ANKRD36C: variants seen among roughly 807,000 people sequenced by gnomAD.
ANKRD36C encodes the protein ankyrin repeat domain 36C.
In ANKRD36C, 61 loss-of-function variants were observed where a neutral mutation model predicts 276.4. The observed-to-expected ratio is 0.22, with a 90% CI of 0.18 to 0.27. The LOEUF (loss-of-function observed/expected upper bound fraction) is 0.27. Ranked by LOEUF, ANKRD36C falls within the 10% of genes least tolerant of loss-of-function variation. The pLI is 1.00. For missense variants in ANKRD36C, 1,447 were observed against 2,032.3 expected, an observed-to-expected ratio of 0.71 and a Z score of 5.54; for synonymous variants, 483 against 680.1, an observed-to-expected ratio of 0.71 and a Z score of 4.51.
rs761278529 is a variant in ANKRD36C at position 95,958,635 on chromosome 2, G to C, written c.1061C>G (p.Ser354Trp). 4 of 1,546,460 alleles carry C rather than the reference G, an allele frequency of 2.6e-6. No homozygotes were observed. In the East Asian group the frequency reaches 9.8e-5, roughly 38 times the overall value. ...ATCTTTTATTTCTGTGGCTGTGTTCGAAACAGAATCGTTCTTGTCACTTGT... is the reference window on the plus strand; with the variant it reads ...ATCTTTTATTTCTGTGGCTGTGTTCCAAACAGAATCGTTCTTGTCACTTGT... The change falls in exon 12 of 67, where the codon TCG (serine) becomes TGG (tryptophan). Residue 354 changes from serine (S) to tryptophan (W), a missense_variant. Ser to Trp is a radical substitution (Grantham distance 177, BLOSUM62 -3). Coordinates refer to ENST00000456556, the Ensembl canonical transcript of ANKRD36C.
intron 60 of ANKRD36C, among the ~76,000 whole-genome samples, chr2:95,862,978 C>T (rs1329858531): frequency 6.6e-6 from 1 of 151,720 alleles, no homozygotes; most frequent in Non-Finnish European, 1.5e-5. Context: ...AAATCAACTT[C>T]TGTTGTTTGA....
chr2:95,982,276 A>G (rs1443045910), exon 4 of ANKRD36C: 1 of 1,549,508 alleles, frequency 6.5e-7, no homozygotes, highest in East Asian at 2.4e-5. Flanking sequence ...AATCAACGGC[A>G]TTTATATTTG....
Position 95,914,270 on chromosome 2 carries a change from A to T in ANKRD36C, c.2478+5T>A. ...AGGTCACAATATAAATGACAGTTTC[A>T]TTACCTTCAAGCCTGCTGGTTTCTC... is the stretch of plus-strand genomic sequence containing the variant. On this transcript the variant is annotated splice_donor_5th_base_variant and intron_variant, in intron 39 of 66. Coordinates refer to ENST00000456556, the Ensembl canonical transcript of ANKRD36C. 6.4e-7 allele frequency: 1 copy of T among 1,551,596 alleles called. No individual in the cohort carries two copies. The highest frequency in any genetic ancestry group is 8.7e-7 in the Non-Finnish European group (1 of 1,146,518).
rs200035163 is a variant in ANKRD36C, at chr2:95,945,063, G to T, written c.1423+51C>A. On this transcript the variant is annotated intron_variant, in intron 18 of 66. Coordinates refer to ENST00000456556, the Ensembl canonical transcript of ANKRD36C. ...ACAAAAAATAAGAAAGAAAAAGAAA[G>T]AAAAAAAAGAATCAGTAGATAATAT... 1.9e-4 allele frequency: 34 copies of T among 181,702 alleles called. No individual in the cohort carries two copies. The South Asian group carries it at 4.5e-3, about 24-fold the overall frequency. 11.3% of individuals were successfully genotyped at this position (181,702 alleles called of 1,614,324 possible). A position where few individuals can be genotyped will look rare whatever the true frequency, so the allele number is the denominator to read the frequency against.
chr2:95,853,599 C>A (rs111611252), intron 64 of ANKRD36C, 110 bp downstream of exon 84: 1 of 1,110,556 alleles, frequency 9.0e-7, no homozygotes, highest in African/African-American at 1.6e-5. Flanking sequence ...CATTAATTAT[C>A]ATAAAAATAC....
At chr2:95,918,085 G>T (rs1227760068) in intron 34 of ANKRD36C, 43 bp from the exon 37 acceptor site, 3 of 1,588,750 alleles carry the variant, frequency 1.9e-6, no homozygotes, top group African/African-American at 1.3e-5. Context: ...GTGTAAATAT[G>T]ATAAAGTTAT....
In ANKRD36C at chr2:95,975,276, ACTT is replaced by A. The variant is rs200422344; in HGVS notation, c.799+2843_799+2845del. 3.2e-3 allele frequency among the ~76,000 whole-genome samples: 489 copies of A among 152,296 alleles called. 2 individuals carry two copies. The highest frequency in any genetic ancestry group is 0.011 in the African/African-American group (474 of 41,566). ...TTTCTTCACAGAATTGGAAAAAACTACTTTAAAGTTCATATGGAACCAAAAAAG... is the reference window on the plus strand; with the variant it reads ...TTTCTTCACAGAATTGGAAAAAACTATAAAGTTCATATGGAACCAAAAAAG... On this transcript the variant is annotated intron_variant, in intron 6 of 66. Transcript: ENST00000456556.
chr2:95,885,811 G>A (rs1488387984), intron 52 of ANKRD36C, among the ~76,000 whole-genome samples: 3 of 151,666 alleles, frequency 2.0e-5, no homozygotes, highest in South Asian at 2.1e-4. Context: ...GTGCTGAACC[G>A]CTCTCCTATG....
chr2:95,859,714 A>G (rs1282353853), intron 61 of ANKRD36C, 147 bp downstream of exon 81: 33 of 888,740 alleles, frequency 3.7e-5, no homozygotes, highest in Non-Finnish European at 5.0e-5. Context: ...TTGTGATATT[A>G]TATCCAATAA....
At chr2:95,891,810 A>C in intron 45 of ANKRD36C, 22 bp downstream of exon 65, 2 of 1,559,426 alleles carry the variant, frequency 1.3e-6, no homozygotes, top group South Asian at 2.4e-5. Context: ...CTAGTTCACA[A>C]TATAAATGAC....
chr2:95,897,125 C>T lies in ANKRD36C; in HGVS notation c.2755+2020G>A, dbSNP rs4907219. 8.5e-6 allele frequency: 9 copies of T among 1,061,608 alleles called. No homozygotes were observed. In the South Asian group the frequency reaches 9.0e-5, roughly 11 times the overall value. The allele number at this position is 1,061,608 out of a possible 1,614,324, so 65.8% of individuals were successfully genotyped here. ...TTCCAGACCAGCAGCATCATCATCACCCACAAACTTATTTGAAATGAAGAA... is the reference window on the plus strand; with the variant it reads ...TTCCAGACCAGCAGCATCATCATCATCCACAAACTTATTTGAAATGAAGAA... On this transcript the variant is annotated intron_variant, in intron 44 of 66. Coordinates refer to ENST00000456556, the Ensembl canonical transcript of ANKRD36C.
In ANKRD36C at chr2:95,952,866, T is replaced by C. The variant is rs527525742; in HGVS notation, c.1203+1073A>G. ...AAAGTGTTTCTTACATGCAAGACCT[T>C]ATTCTGTGTATTCCAGGAAACATAC... On this transcript the variant is annotated intron_variant, in intron 14 of 66. Transcript: ENST00000456556. Among the ~76,000 whole-genome samples the C allele has an allele frequency of 1.0e-4, 16 of 152,408 alleles. No individual in the cohort carries two copies. The East Asian group carries it at 2.9e-3, about 28-fold the overall frequency.
At chr2:95,908,944 T>C (rs1470115291) in intron 42 of ANKRD36C, among the ~76,000 whole-genome samples, 1 of 151,074 alleles carries the variant, frequency 6.6e-6, no homozygotes, top group Non-Finnish European at 1.5e-5. Flanking sequence ...AAAACTAAAA[T>C]AAAACCATGT....
intron 46 of ANKRD36C, among the ~76,000 whole-genome samples, chr2:95,890,756 C>T (rs1676326478): frequency 6.6e-6 from 1 of 151,554 alleles, no homozygotes; most frequent in Admixed American, 6.6e-5. Flanking sequence ...ATCAGTTTTT[C>T]ATTCAGAAAT....
chr2:95,863,550 G>C (rs1275772267), intron 60 of ANKRD36C, among the ~76,000 whole-genome samples: 1 of 152,030 alleles, frequency 6.6e-6, no homozygotes, highest in Non-Finnish European at 1.5e-5. Flanking sequence ...TCCCTCATGA[G>C]CACGAATGTA....
At chr2:95,939,416 T>C (rs1359412126) in intron 20 of ANKRD36C, among the ~76,000 whole-genome samples, 1 of 152,302 alleles carries the variant, frequency 6.6e-6, no homozygotes, top group Non-Finnish European at 1.5e-5. Flanking sequence ...TGAAAATGTA[T>C]CATTCGCGGC....
intron 40 of ANKRD36C, 40 bp downstream of exon 42, chr2:95,914,068 T>C (rs1334310618): frequency 6.6e-7 from 1 of 1,516,228 alleles, no homozygotes; most frequent in Non-Finnish European, 8.9e-7. Context: ...TTCTTATCTA[T>C]CTCGACTGAT....
chr2:95,860,693 T>C (rs77175627), intron 60 of ANKRD36C, among the ~76,000 whole-genome samples: 3 of 152,196 alleles, frequency 2.0e-5, no homozygotes, highest in Non-Finnish European at 2.9e-5. Context: ...AATATCCCAG[T>C]TCTTTTGACA....
chr2:95,975,216 T>G (rs1443692261), intron 6 of ANKRD36C, among the ~76,000 whole-genome samples: 1 of 152,170 alleles, frequency 6.6e-6, no homozygotes, highest in African/African-American at 2.4e-5. Flanking sequence ...AGGTAATTTA[T>G]AGATTCAATG....
Sources: gnomAD v4.1 joint callset for allele counts (sites outside exome capture counted in the v4.1 genomes callset) on GRCh38, gnomAD v4.1.1 for gene constraint, MANE v1.5 for transcripts, NCBI Gene and HGNC (gene_info 2026-07-23, HGNC 2026-07-21) for gene names.